Variants in PANK3 observed in about 807,000 individuals in gnomAD.
The protein encoded by PANK3 is pantothenate kinase 3.
A neutral mutation model predicts 39.4 loss-of-function variants in PANK3; 20 were observed. The observed-to-expected ratio is 0.51, with a 90% CI of 0.36 to 0.74. The LOEUF (loss-of-function observed/expected upper bound fraction) is 0.74, where lower values mean the gene tolerates loss of function less well. PANK3 is among the 30% of genes least tolerant of loss of function. The probability of loss-of-function intolerance (pLI) is 0.00; values close to 1 mark genes in which losing one functional copy is unlikely to be tolerated. For missense variants in PANK3, 265 were observed against 437.0 expected, an observed-to-expected ratio of 0.61 and a Z score of 3.51; for synonymous variants, 140 against 157.3, an observed-to-expected ratio of 0.89 and a Z score of 0.82.
rs975192943 is a variant in PANK3, at chr5:168,561,451, G to A, written c.878C>T (p.Thr293Ile). Residue 293 changes from threonine (T) to isoleucine (I), a missense_variant, in exon 5 of 7, where the codon ACT (threonine) becomes ATT (isoleucine). This residue lies in a region of PANK3 where 110 missense variants were observed against 161.2 expected (regional missense o/e 0.68). Transcript: ENST00000239231. ...SVSKEDLARA[T>I]LVTITNNIGS... ...AATGTTATTGGTGATAGTAACTAAA[G>A]TAGCTCTTGCCAGATCTTCTTTACT... 1.2e-6 allele frequency: 2 copies of A among 1,604,686 alleles called. No homozygotes were observed. Among genetic ancestry groups the A allele is most frequent in the African/African-American group, 2.7e-5 (2 of 74,518 alleles).
At chr5:168,572,670 G>A (rs1759659918) in intron 1 of PANK3, among the ~76,000 whole-genome samples, 2 of 152,176 alleles carry the variant, frequency 1.3e-5, no homozygotes. Flanking sequence ...AGGATCTTCA[G>A]TTGCTTCAGG....
Position 168,569,008 on chromosome 5 carries a change from GAAAAAAA to G in PANK3, c.29-17_29-11del, listed in dbSNP as rs368234880. 8.0e-4 allele frequency: 73 copies of G among 91,234 alleles called. 1 individual carries two copies. Among genetic ancestry groups the G allele is most frequent in the South Asian group, 3.3e-3 (6 of 1,814 alleles). The allele number at this position is 91,234 out of a possible 1,614,324, so 5.7% of individuals were successfully genotyped here. A position where few individuals can be genotyped will look rare whatever the true frequency, so the allele number is the denominator to read the frequency against. On this transcript the variant is annotated splice_polypyrimidine_tract_variant and intron_variant, in intron 1 of 6. Coordinates refer to ENST00000239231, the MANE Select transcript of PANK3 (RefSeq NM_024594.4). Reference sequence around the variant, plus strand: ...CCAAACCATGGGAAAGCTATGGGAGGAAAAAAAAAAAAAAAAAAAAAAATATATATAT... The same window carrying G: ...CCAAACCATGGGAAAGCTATGGGAGGAAAAAAAAAAAAAAAATATATATAT...
At chr5:168,578,968 G>A (rs1425954763) in intron 1 of PANK3, among the ~76,000 whole-genome samples, 1 of 152,240 alleles carries the variant, frequency 6.6e-6, no homozygotes, top group Non-Finnish European at 1.5e-5. Flanking sequence ...GAGGAGACTA[G>A]TCTGGTTTGA....
chr5:168,575,554 G>C (rs985543009), intron 1 of PANK3, among the ~76,000 whole-genome samples: 1 of 152,162 alleles, frequency 6.6e-6, no homozygotes, highest in African/African-American at 2.4e-5. Flanking sequence ...ATCCCAGCGG[G>C]AGGGTCACTT....
chr5:168,565,886 T>TATATATATATATATATC (rs56668677), intron 3 of PANK3, 127 bp downstream of exon 3: 3 of 167,856 alleles, frequency 1.8e-5, no homozygotes, highest in Non-Finnish European at 2.1e-5. Flanking sequence ...TATATATATA[T>TATATATATATATATATC]TTTTTTTTTT....
intron 6 of PANK3, among the ~76,000 whole-genome samples, chr5:168,558,477 T>A (rs899182863): frequency 1.8e-4 from 27 of 152,300 alleles, no homozygotes; most frequent in African/African-American, 6.0e-4. Context: ...ACATGGAAGC[T>A]TTTAAGAGCA....
rs568739226 is a variant in PANK3, at chr5:168,556,154, G to A, written c.*1417C>T. 1 of 152,334 alleles carries A rather than the reference G, an allele frequency of 6.6e-6. No homozygotes were observed. The highest frequency in any genetic ancestry group is 6.5e-5 in the Admixed American group (1 of 15,308). The allele number at this position is 152,334 out of a possible 1,614,324, so 9.4% of individuals were successfully genotyped here. A position where few individuals can be genotyped will look rare whatever the true frequency, so the allele number is the denominator to read the frequency against. ...TCAACCCCACTCCAGATTCAGGCAA[G>A]GGGAATAGGAAAGAAAGTGCGAGAT... On this transcript the variant is annotated 3_prime_UTR_variant, in exon 7 of 7. Transcript: ENST00000239231.
chr5:168,559,041 TAG>T lies in PANK3; in HGVS notation c.1051_1052del (p.Leu351ArgfsTer3). 1 of 1,604,798 alleles carries T rather than the reference TAG, an allele frequency of 6.2e-7. No individual in the cohort carries two copies. Among genetic ancestry groups the T allele is most frequent in the Non-Finnish European group, 8.5e-7 (1 of 1,176,428 alleles). ...WSKGQLKALF[L>X]EHEGYFGAVG... ...CATTTTCCTACCATACCTCATGTTCTAGAAACAATGCTTTTAGTTGACCTTTT... is the reference window on the plus strand; with the variant it reads ...CATTTTCCTACCATACCTCATGTTCTAAACAATGCTTTTAGTTGACCTTTT... On this transcript the variant is annotated frameshift_variant, in exon 6 of 7. Coordinates refer to ENST00000239231, the MANE Select transcript of PANK3 (RefSeq NM_024594.4). LOFTEE classifies it high-confidence loss of function.
rs1475361286 is a variant in PANK3 at position 168,550,257 on chromosome 5, T to G, written c.*7314A>C. On this transcript the variant is annotated 3_prime_UTR_variant, in exon 7 of 7. Transcript: ENST00000239231. ...TGCCCAGCTAAAGGCCAACGTTAAGTGTTCAGAACACATTTAAGATAGGCT... is the reference window on the plus strand; with the variant it reads ...TGCCCAGCTAAAGGCCAACGTTAAGGGTTCAGAACACATTTAAGATAGGCT... 6.6e-6 allele frequency: 1 copy of G among 152,240 alleles called. No individual in the cohort carries two copies. The highest frequency in any genetic ancestry group is 6.5e-5 in the Admixed American group (1 of 15,284). 9.4% of individuals were successfully genotyped at this position (152,240 alleles called of 1,614,324 possible).
At chr5:168,565,789 G>A (rs753016012) in intron 3 of PANK3, among the ~76,000 whole-genome samples, 3 of 149,458 alleles carry the variant, frequency 2.0e-5, no homozygotes, top group Admixed American at 6.7e-5. Flanking sequence ...TTGGGAGGCC[G>A]AGACAGGCAG....
At chr5:168,573,331 A>C (rs1280729622) in intron 1 of PANK3, among the ~76,000 whole-genome samples, 4 of 149,878 alleles carry the variant, frequency 2.7e-5, no homozygotes, top group Non-Finnish European at 5.9e-5. Flanking sequence ...AAATCCTTTC[A>C]ATTCAATAGA....
At chr5:168,573,907 C>T (rs1759689077) in intron 1 of PANK3, among the ~76,000 whole-genome samples, 1 of 152,074 alleles carries the variant, frequency 6.6e-6, no homozygotes, top group Non-Finnish European at 1.5e-5. Flanking sequence ...TTTCTTAATC[C>T]AGTCTATCAT....
chr5:168,560,779 T>TAC, intron 5 of PANK3: 1 of 178,786 alleles, frequency 5.6e-6, no homozygotes. Context: ...TAGAATTAAA[T>TAC]ATATATATTC....
At chr5:168,566,535 T>A (rs1759538336) in intron 2 of PANK3, among the ~76,000 whole-genome samples, 1 of 152,144 alleles carries the variant, frequency 6.6e-6, no homozygotes, top group Non-Finnish European at 1.5e-5. Flanking sequence ...ATGCCAGACA[T>A]CTTTAATGGG....
At chr5:168,574,146 TG>T (rs1246269220) in intron 1 of PANK3, among the ~76,000 whole-genome samples, 5 of 150,286 alleles carry the variant, frequency 3.3e-5, no homozygotes, top group Non-Finnish European at 5.9e-5. Flanking sequence ...AGTGTAAAAG[TG>T]TTCCTATTTC....
chr5:168,561,296 G>T, intron 5 of PANK3, 97 bp downstream of exon 5: 1 of 1,089,404 alleles, frequency 9.2e-7, no homozygotes, highest in Non-Finnish European at 1.3e-6. Context: ...CAATCCCAGA[G>T]GCCTCCTTAG....
chr5:168,553,244 G>C lies in PANK3; in HGVS notation c.*4327C>G, dbSNP rs1759299464. ...TCCAGAATACCAACGACGTCCAGCT[G>C]GTTGAGAGCACTAAAGGTACCCCAA... On this transcript the variant is annotated 3_prime_UTR_variant, in exon 7 of 7. Coordinates refer to ENST00000239231, the MANE Select transcript of PANK3 (RefSeq NM_024594.4). 5.8e-6 allele frequency: 3 copies of C among 512,980 alleles called. No homozygotes were observed. The highest frequency in any genetic ancestry group is 1.2e-5 in the Non-Finnish European group (3 of 252,036). 31.8% of individuals were successfully genotyped at this position (512,980 alleles called of 1,614,324 possible). A position where few individuals can be genotyped will look rare whatever the true frequency, so the allele number is the denominator to read the frequency against.
In PANK3 at chr5:168,558,153, CTTT is replaced by C. The variant is rs767440372; in HGVS notation, c.1063-535_1063-533del. 6.7e-4 allele frequency among the ~76,000 whole-genome samples: 77 copies of C among 115,244 alleles called. 1 individual carries two copies. Among genetic ancestry groups the C allele is most frequent in the Admixed American group, 3.8e-3 (43 of 11,334 alleles). 75.6% of individuals were successfully genotyped at this position (115,244 alleles called of 152,430 possible). ...GAGCAGTGACAATGAGACATGGAAG[CTTT>C]TTTTTTTTTTTTTTTTTAGACAGTC... On this transcript the variant is annotated intron_variant, in intron 6 of 6. Coordinates refer to ENST00000239231, the MANE Select transcript of PANK3 (RefSeq NM_024594.4).
rs550567352 is a variant in PANK3 at position 168,554,135 on chromosome 5, T to C, written c.*3436A>G. On this transcript the variant is annotated 3_prime_UTR_variant, in exon 7 of 7. Transcript: ENST00000239231. ...ATTCTCTCTTTTGTATTTTTGATAG[T>C]GATTACAAAGTTTTTCAGATTTTTA... 6.6e-6 allele frequency: 1 copy of C among 152,198 alleles called. No homozygotes were observed. Among genetic ancestry groups the C allele is most frequent in the Non-Finnish European group, 1.5e-5 (1 of 68,036 alleles). 9.4% of individuals were successfully genotyped at this position (152,198 alleles called of 1,614,324 possible). A position where few individuals can be genotyped will look rare whatever the true frequency, so the allele number is the denominator to read the frequency against.
Sources: gnomAD v4.1 joint callset for allele counts (sites outside exome capture counted in the v4.1 genomes callset) on GRCh38, gnomAD v4.1.1 for gene constraint, gnomAD v4.1.1 regional missense constraint, MANE v1.5 for transcripts, NCBI Gene and HGNC (gene_info 2026-07-23, HGNC 2026-07-21) for gene names.